The following SLX4IP variants were observed in gnomAD, a reference collection of about 807,000 sequenced individuals.
SLX4IP encodes the protein SLX4 interacting protein, also known as protein SLX4IP.
SLX4IP carries 34 observed loss-of-function variants against 32.9 expected under a neutral mutation model. That is an observed-to-expected ratio of 1.03 (90% CI 0.79 to 1.38). The LOEUF (loss-of-function observed/expected upper bound fraction) is 1.38, where lower values mean the gene tolerates loss of function less well. SLX4IP is among the 40% of genes most tolerant of loss of function. The pLI is 0.00. For missense variants in SLX4IP, 444 were observed against 479.0 expected (o/e 0.93, Z 0.68); for synonymous variants, 172 against 171.7 (o/e 1.00, Z -0.01).
At chr20:10,481,184 A>C (rs1386558772) in intron 2 of SLX4IP, among the ~76,000 whole-genome samples, 1 of 152,110 alleles carries the variant, frequency 6.6e-6, no homozygotes, top group African/African-American at 2.4e-5. Flanking sequence ...AGGGGGTTCA[A>C]GTGCAGTTTT....
At chr20:10,604,238 A>T (rs548063363) in intron 6 of SLX4IP, among the ~76,000 whole-genome samples, 4 of 152,210 alleles carry the variant, frequency 2.6e-5, no homozygotes, top group African/African-American at 9.6e-5. Flanking sequence ...TGTTGGAAAG[A>T]TTTCTTTGGC....
chr20:10,527,162 T>G (rs188713979), intron 2 of SLX4IP, among the ~76,000 whole-genome samples: 1 of 152,358 alleles, frequency 6.6e-6, no homozygotes, highest in Admixed American at 6.5e-5. Flanking sequence ...CTAGGCCCTA[T>G]GCTAGGCGCT....
At chr20:10,525,732 G>A (rs201352589) in intron 2 of SLX4IP, among the ~76,000 whole-genome samples, 1 of 152,148 alleles carries the variant, frequency 6.6e-6, no homozygotes, top group Admixed American at 6.5e-5. Context: ...ATTTCTTCGT[G>A]TCTTCCTGGA....
chr20:10,467,842 G>A (rs1219574902), intron 2 of SLX4IP, among the ~76,000 whole-genome samples: 1 of 152,114 alleles, frequency 6.6e-6, no homozygotes, highest in Non-Finnish European at 1.5e-5. Context: ...CAAAGTTCTT[G>A]GACTTGAAAT....
At chr20:10,613,577 A>T in intron 6 of SLX4IP, 1 of 1,612,688 alleles carries the variant, frequency 6.2e-7, no homozygotes, top group Non-Finnish European at 8.5e-7. Context: ...CCTTCAGGCT[A>T]TCCACGCCTT....
chr20:10,522,618 G>C (rs764388739), intron 2 of SLX4IP, among the ~76,000 whole-genome samples: 14 of 152,156 alleles, frequency 9.2e-5, no homozygotes, highest in Non-Finnish European at 1.9e-4. Flanking sequence ...TCTTAGCCAA[G>C]TGCCTTACCC....
At chr20:10,481,796 G>A (rs687725) in intron 2 of SLX4IP, among the ~76,000 whole-genome samples, 59,247 of 151,942 alleles carry the variant, frequency 0.39, 11,737 homozygotes, top group Non-Finnish European at 0.43. Context: ...GCCTTCAACC[G>A]GAATGTCAGC....
At chr20:10,546,475 T>C (rs1483147691) in intron 2 of SLX4IP, among the ~76,000 whole-genome samples, 3 of 152,204 alleles carry the variant, frequency 2.0e-5, no homozygotes, top group East Asian at 1.9e-4. Context: ...GTAAATCTTA[T>C]GGAACTAACA....
intron 2 of SLX4IP, among the ~76,000 whole-genome samples, chr20:10,469,358 A>G (rs1186684292): frequency 6.6e-6 from 1 of 152,120 alleles, no homozygotes; most frequent in Non-Finnish European, 1.5e-5. Flanking sequence ...TCCTTTTAGG[A>G]GTCCACAGTT....
chr20:10,617,600 A>G (rs2067051999), intron 6 of SLX4IP, among the ~76,000 whole-genome samples: 1 of 148,430 alleles, frequency 6.7e-6, no homozygotes, highest in Non-Finnish European at 1.5e-5. Flanking sequence ...GGACTTAAAC[A>G]TTGCCCAGTA....
At chr20:10,611,487 A>C (rs1459365467) in intron 6 of SLX4IP, among the ~76,000 whole-genome samples, 4 of 152,112 alleles carry the variant, frequency 2.6e-5, no homozygotes, top group Admixed American at 2.6e-4. Context: ...CTCTCAGCTT[A>C]TGTGTGGTGG....
At chr20:10,600,973 A>T (rs923365717) in intron 5 of SLX4IP, among the ~76,000 whole-genome samples, 9 of 152,150 alleles carry the variant, frequency 5.9e-5, no homozygotes, top group Non-Finnish European at 1.0e-4. Flanking sequence ...GAACAAATGG[A>T]TGGATGGACA....
chr20:10,518,876 C>CTT (rs2065881585), intron 2 of SLX4IP, among the ~76,000 whole-genome samples: 1 of 152,082 alleles, frequency 6.6e-6, no homozygotes, highest in African/African-American at 2.4e-5. Context: ...GACCTAGGGG[C>CTT]TTTTCTAAGG....
In SLX4IP at chr20:10,491,264, CTCT is replaced by C. The variant is rs1317165749; in HGVS notation, c.27+33038_27+33040del. 2.6e-5 allele frequency among the ~76,000 whole-genome samples: 4 copies of C among 152,334 alleles called. No homozygotes were observed. The East Asian group carries it at 7.7e-4, about 29-fold the overall frequency. On this transcript the variant is annotated intron_variant, in intron 2 of 7. Coordinates refer to ENST00000334534, the MANE Select transcript of SLX4IP (RefSeq NM_001009608.3). ...TTTTGCCAAACATAATACCCATCAA[CTCT>C]TCTTAAAGGAAATGAAGAAATTAAT... is the stretch of plus-strand genomic sequence containing the variant.
intron 2 of SLX4IP, among the ~76,000 whole-genome samples, chr20:10,518,478 C>T (rs2065874780): frequency 1.4e-5 from 1 of 74,034 alleles, no homozygotes; most frequent in African/African-American, 3.8e-5. Context: ...CTTTCTTTTC[C>T]TTTCCTTTCC....
chr20:10,458,364 T>C, intron 2 of SLX4IP, 133 bp downstream of exon 2: 2 of 696,102 alleles, frequency 2.9e-6, no homozygotes, highest in Non-Finnish European at 4.5e-6. Context: ...TTTTTTTTTT[T>C]CCTTCAACTT....
At chr20:10,560,923 T>TA in intron 4 of SLX4IP, 103 bp downstream of exon 4, 3 of 1,152,646 alleles carry the variant, frequency 2.6e-6, no homozygotes, top group Non-Finnish European at 2.3e-6. Flanking sequence ...AGTATAGTGA[T>TA]ACATTTTAAA....
At chr20:10,442,154 T>C (rs552866821) in intron 1 of SLX4IP, among the ~76,000 whole-genome samples, 1 of 152,352 alleles carries the variant, frequency 6.6e-6, no homozygotes, top group East Asian at 1.9e-4. Flanking sequence ...GTCTATTTAA[T>C]GAGAGCATTT....
intron 2 of SLX4IP, among the ~76,000 whole-genome samples, chr20:10,480,121 C>T (rs764021772): frequency 1.1e-4 from 16 of 149,986 alleles, no homozygotes; most frequent in Non-Finnish European, 2.1e-4. Context: ...CGGTTGGGTG[C>T]GGTGGCTCAC....
Sources: gnomAD v4.1 joint callset for allele counts (sites outside exome capture counted in the v4.1 genomes callset) on GRCh38, gnomAD v4.1.1 for gene constraint, MANE v1.5 for transcripts, NCBI Gene and HGNC (gene_info 2026-07-23, HGNC 2026-07-21) for gene names.